The following SPMIP6 variants were observed in gnomAD, a reference collection of about 807,000 sequenced individuals.
SPMIP6 encodes sperm microtubule inner protein 6, also known as ciliated bronchial epithelial protein 1.
the SPMIP6 span, among the ~76,000 whole-genome samples, chr9:34,384,874 A>G: frequency 6.6e-6 from 1 of 152,134 alleles, no homozygotes; most frequent in Non-Finnish European, 1.5e-5. Flanking sequence ...TGAGAACAGG[A>G]GCAAGAGATA....
the SPMIP6 span, chr9:34,385,566 GAGGTCACGATCC>G: frequency 1.4e-6 from 1 of 696,940 alleles, no homozygotes. Context: ...AAAAAGGATA[GAGGTCACGATCC>G]AGGTGGTTGG....
chr9:34,385,936 G>A, the SPMIP6 span, among the ~76,000 whole-genome samples: 1 of 152,130 alleles, frequency 6.6e-6, no homozygotes, highest in Non-Finnish European at 1.5e-5. Context: ...GCTAGCCTTG[G>A]CTCCTCTGCA....
At chr9:34,380,572 G>C in the SPMIP6 span, 1 of 1,367,244 alleles carries the variant, frequency 7.3e-7, no homozygotes, top group Non-Finnish European at 9.6e-7. Flanking sequence ...AAGAGGATGC[G>C]ACTGATGTGC....
chr9:34,397,426 C>A, the SPMIP6 span: 3 of 1,490,688 alleles, frequency 2.0e-6, no homozygotes, highest in South Asian at 2.3e-5. Context: ...CAAATCATTA[C>A]AAACATACAT....
At chr9:34,382,849 A>C in the SPMIP6 span, 5 of 1,613,138 alleles carry the variant, frequency 3.1e-6, no homozygotes, top group Middle Eastern at 1.6e-4. Context: ...CTGCCCAGGT[A>C]GTTTGGGCTG....
the SPMIP6 span, chr9:34,380,928 G>A: frequency 6.3e-7 from 1 of 1,596,648 alleles, no homozygotes; most frequent in Non-Finnish European, 8.5e-7. Flanking sequence ...CACCAAGGCC[G>A]CAGGCGGCGG....
chr9:34,386,738 A>T, the SPMIP6 span, among the ~76,000 whole-genome samples: 84 of 152,256 alleles, frequency 5.5e-4, no homozygotes, highest in African/African-American at 1.9e-3. Context: ...TTCTTGGTCC[A>T]GGCCCTGGGC....
the SPMIP6 span, chr9:34,381,347 A>G: frequency 3.7e-6 from 6 of 1,613,384 alleles, no homozygotes; most frequent in African/African-American, 6.7e-5. This position sits in a 1 kb window ranked among gnomAD's most constrained non-coding sequence, Gnocchi z 4.4. Context: ...GTTCTTTCCA[A>G]CGCCCCACTA....
chr9:34,382,758 G>T, the SPMIP6 span: 3 of 1,611,976 alleles, frequency 1.9e-6, no homozygotes, highest in Non-Finnish European at 2.5e-6. Flanking sequence ...AGATACCTTA[G>T]GCAGCCGAGG....
At chr9:34,395,757 G>A in the SPMIP6 span, among the ~76,000 whole-genome samples, 1 of 152,142 alleles carries the variant, frequency 6.6e-6, no homozygotes, top group Non-Finnish European at 1.5e-5. Flanking sequence ...AACCTCAGTT[G>A]ATAGCATTAG....
At chr9:34,381,589 T>G in the SPMIP6 span, 3 of 1,459,350 alleles carry the variant, frequency 2.1e-6, no homozygotes, top group Non-Finnish European at 2.7e-6. The surrounding 1 kb of genome is among the most constrained non-coding windows in gnomAD (Gnocchi z 4.4). Flanking sequence ...GGCTCTGTGT[T>G]GGCGGCTGTC....
the SPMIP6 span, among the ~76,000 whole-genome samples, chr9:34,395,183 G>T: frequency 1.3e-5 from 2 of 152,066 alleles, no homozygotes; most frequent in Non-Finnish European, 2.9e-5. Flanking sequence ...GGCTGGTCTT[G>T]AACTCGTAGG....
the SPMIP6 span, among the ~76,000 whole-genome samples, chr9:34,388,043 G>T: frequency 1.3e-5 from 2 of 152,034 alleles, no homozygotes; most frequent in Non-Finnish European, 2.9e-5. Flanking sequence ...CCAGTCCTGA[G>T]GTCCTTGCCA....
chr9:34,397,604 G>T, the SPMIP6 span: 2 of 1,611,142 alleles, frequency 1.2e-6, no homozygotes, highest in African/African-American at 2.7e-5. Flanking sequence ...TACTGATAGG[G>T]GTCCTGGTCT....
At chr9:34,397,350 G>T in the SPMIP6 span, 1 of 864,858 alleles carries the variant, frequency 1.2e-6, no homozygotes, top group Non-Finnish European at 1.9e-6. Context: ...ATTTTGTGCT[G>T]TTTTACATAC....
chr9:34,385,560 A>AT, the SPMIP6 span: 8 of 995,708 alleles, frequency 8.0e-6, no homozygotes, highest in Non-Finnish European at 1.0e-5. Flanking sequence ...AAAAAAAAAA[A>AT]GGATAGAGGT....
the SPMIP6 span, chr9:34,379,554 T>G: frequency 2.6e-6 from 3 of 1,141,892 alleles, no homozygotes; most frequent in African/African-American, 1.5e-5. This position sits in a 1 kb window ranked among gnomAD's most constrained non-coding sequence, Gnocchi z 4.2. Context: ...CGCGGAGCGT[T>G]CTCATCCCGT....
the SPMIP6 span, chr9:34,397,507 G>A: frequency 6.2e-7 from 1 of 1,614,112 alleles, no homozygotes; most frequent in Admixed American, 1.7e-5. Flanking sequence ...ACCGGAGTCA[G>A]AAACTTGTTG....
At chr9:34,383,226 A>G in the SPMIP6 span, among the ~76,000 whole-genome samples, 3 of 152,130 alleles carry the variant, frequency 2.0e-5, no homozygotes, top group Non-Finnish European at 4.4e-5. Context: ...TGCCTCCTTC[A>G]AAATCACTCG....
Sources: allele counts gnomAD v4.1 joint callset (sites outside exome capture counted in the v4.1 genomes callset), GRCh38; gene constraint gnomAD v4.1.1; non-coding constraint Gnocchi (gnomAD v3.1); transcripts MANE v1.5; gene names NCBI Gene and HGNC (gene_info 2026-07-23, HGNC 2026-07-21).